HHIP: variants seen among roughly 807,000 people sequenced by gnomAD.
HHIP encodes hedgehog-interacting protein.
In HHIP, 12 loss-of-function variants were observed where a neutral mutation model predicts 74.0. The ratio of observed to expected loss-of-function variants is 0.16; its 90% CI spans 0.10 to 0.26. The LOEUF is 0.26. Ranked by LOEUF, HHIP falls within the 10% of genes least tolerant of loss-of-function variation. The pLI, the probability that HHIP is intolerant of heterozygous loss-of-function variation, is 1.00. For synonymous variants in HHIP, 309 were observed against 311.6 expected (o/e 0.99, Z 0.09); for missense variants, 788 against 845.0 (o/e 0.93, Z 0.84).
intron 4 of HHIP, among the ~76,000 whole-genome samples, chr4:144,677,144 C>T (rs143523614): frequency 6.6e-6 from 1 of 152,296 alleles, no homozygotes; most frequent in Non-Finnish European, 1.5e-5. Context: ...ACAAATGTTA[C>T]CTTAGCTACT....
chr4:144,722,995 A>G (rs776323962), intron 11 of HHIP, among the ~76,000 whole-genome samples: 3 of 152,198 alleles, frequency 2.0e-5, no homozygotes, highest in Admixed American at 6.5e-5. Context: ...TCCAAGATTT[A>G]TTTTTATAGA....
At chr4:144,653,410 G>A (rs1255151365) in intron 2 of HHIP, among the ~76,000 whole-genome samples, 1 of 152,166 alleles carries the variant, frequency 6.6e-6, no homozygotes, top group Non-Finnish European at 1.5e-5. Context: ...CAATGAGAAG[G>A]TGATAGGAGA....
intron 4 of HHIP, among the ~76,000 whole-genome samples, chr4:144,702,891 A>C (rs746345030): frequency 3.3e-5 from 5 of 152,142 alleles, no homozygotes; most frequent in Non-Finnish European, 7.3e-5. Context: ...GTAAGAATAA[A>C]CATTTTGGAC....
chr4:144,733,049 GAATATACT>G (rs1731005900), intron 11 of HHIP, among the ~76,000 whole-genome samples: 1 of 152,136 alleles, frequency 6.6e-6, no homozygotes, highest in Non-Finnish European at 1.5e-5. Flanking sequence ...GAAAGAAATA[GAATATACT>G]TGGGATACTC....
In HHIP at chr4:144,737,984, T is replaced by A; in HGVS notation, c.*27T>A. On this transcript the variant is annotated 3_prime_UTR_variant, in exon 13 of 13. Coordinates refer to ENST00000296575, the MANE Select transcript of HHIP (RefSeq NM_022475.3). ...TTCTGGGACTGTTTGAATATTCTAT[T>A]CCAATGGGCATTTATTTTTTATCCT... is the stretch of plus-strand genomic sequence containing the variant. The A allele has an allele frequency of 6.8e-7, 1 of 1,476,190 alleles. No individual in the cohort carries two copies. Among genetic ancestry groups the A allele is most frequent in the Non-Finnish European group, 9.0e-7 (1 of 1,110,390 alleles). The allele number at this position is 1,476,190 out of a possible 1,614,324, so 91.4% of individuals were successfully genotyped here. A position where few individuals can be genotyped will look rare whatever the true frequency, so the allele number is the denominator to read the frequency against.
chr4:144,676,948 T>C (rs1404003697), intron 4 of HHIP, among the ~76,000 whole-genome samples: 2 of 152,224 alleles, frequency 1.3e-5, no homozygotes, highest in Non-Finnish European at 2.9e-5. Context: ...TTGCCTTTCA[T>C]GCAAGAAACA....
chr4:144,694,503 T>C (rs896944861), intron 4 of HHIP, among the ~76,000 whole-genome samples: 1 of 151,910 alleles, frequency 6.6e-6, no homozygotes, highest in Non-Finnish European at 1.5e-5. Flanking sequence ...GTTATATTTC[T>C]ATATAATGAC....
intron 7 of HHIP, 107 bp downstream of exon 7, chr4:144,708,418 G>C: frequency 9.0e-7 from 1 of 1,114,656 alleles, no homozygotes; most frequent in Non-Finnish European, 1.3e-6. Flanking sequence ...GCCAAAGGTA[G>C]TATCTAAGGC....
chr4:144,667,952 A>C (rs1728922009), intron 4 of HHIP, among the ~76,000 whole-genome samples: 1 of 152,178 alleles, frequency 6.6e-6, no homozygotes, highest in African/African-American at 2.4e-5. Flanking sequence ...TAAAGCTGCT[A>C]TAAAATTAAC....
intron 10 of HHIP, among the ~76,000 whole-genome samples, chr4:144,717,026 C>T (rs1389029): frequency 0.49 from 74,550 of 151,748 alleles, 19,227 homozygotes; most frequent in South Asian, 0.72. Flanking sequence ...GGTAAAATAT[C>T]CCAAATGTCT....
In HHIP at chr4:144,743,116, C is replaced by T. The variant is rs957787983; in HGVS notation, c.*5159C>T. ...CTAGCCAACTTCAATCCTTCTTTCT[C>T]TTAACTATCTTCTCTGAATAAGTTC... is the stretch of plus-strand genomic sequence containing the variant. On this transcript the variant is annotated 3_prime_UTR_variant, in exon 13 of 13. Coordinates refer to ENST00000296575, the MANE Select transcript of HHIP (RefSeq NM_022475.3). 3 of 148,368 alleles carry T rather than the reference C, an allele frequency of 2.0e-5. No individual in the cohort carries two copies. The highest frequency in any genetic ancestry group is 4.5e-5 in the Non-Finnish European group (3 of 67,278). 9.2% of individuals were successfully genotyped at this position (148,368 alleles called of 1,614,324 possible).
chr4:144,692,202 AG>A (rs1729692637), intron 4 of HHIP, among the ~76,000 whole-genome samples: 1 of 152,138 alleles, frequency 6.6e-6, no homozygotes, highest in South Asian at 2.1e-4. Context: ...ATAAAAAAAA[AG>A]CTGAAGCTCA....
intron 11 of HHIP, among the ~76,000 whole-genome samples, chr4:144,725,958 A>G (rs909849786): frequency 1.3e-5 from 2 of 152,124 alleles, no homozygotes; most frequent in African/African-American, 2.4e-5. Context: ...GACATGAGCC[A>G]CCGTGTCCAG....
chr4:144,690,805 G>A (rs762037515), intron 4 of HHIP, among the ~76,000 whole-genome samples: 1 of 152,124 alleles, frequency 6.6e-6, no homozygotes, highest in Non-Finnish European at 1.5e-5. Flanking sequence ...ATGGACCAGT[G>A]TCTTATCATT....
intron 4 of HHIP, among the ~76,000 whole-genome samples, chr4:144,670,707 G>GAA (rs199920533): frequency 5.6e-4 from 17 of 30,344 alleles, no homozygotes; most frequent in South Asian, 2.4e-3. Flanking sequence ...ATTTCTTTAA[G>GAA]AAAAAAAAAA....
At chr4:144,692,387 C>A (rs1729698837) in intron 4 of HHIP, among the ~76,000 whole-genome samples, 1 of 152,086 alleles carries the variant, frequency 6.6e-6, no homozygotes, top group South Asian at 2.1e-4. Flanking sequence ...TATTTCTGTA[C>A]TCTTCTCTTC....
At chr4:144,697,107 A>C (rs1017438022) in intron 4 of HHIP, among the ~76,000 whole-genome samples, 3 of 151,994 alleles carry the variant, frequency 2.0e-5, no homozygotes, top group African/African-American at 7.2e-5. Context: ...GTGAGGTTAC[A>C]AAGCTTTTTC....
intron 4 of HHIP, among the ~76,000 whole-genome samples, chr4:144,699,843 G>A (rs1729927641): frequency 1.3e-5 from 2 of 151,864 alleles, no homozygotes; most frequent in African/African-American, 4.8e-5. Context: ...CCTGTTCTGA[G>A]ACCAATTTAG....
intron 4 of HHIP, among the ~76,000 whole-genome samples, chr4:144,676,158 A>G (rs1284792438): frequency 1.3e-5 from 2 of 152,208 alleles, no homozygotes; most frequent in Admixed American, 1.3e-4. Context: ...TATTAAATTA[A>G]TGACACTAAT....
Sources: gnomAD v4.1 joint callset for allele counts (sites outside exome capture counted in the v4.1 genomes callset) on GRCh38, gnomAD v4.1.1 for gene constraint, MANE v1.5 for transcripts, NCBI Gene and HGNC (gene_info 2026-07-23, HGNC 2026-07-21) for gene names.